ACCSL: variants seen among roughly 807,000 people sequenced by gnomAD.
ACCSL encodes the protein 1-aminocyclopropane-1-carboxylate synthase homolog (inactive) like, also known as probable inactive 1-aminocyclopropane-1-carboxylate synthase-like protein 2.
Under a neutral mutation model 61.7 loss-of-function variants are expected in ACCSL, and 55 were observed. The observed-to-expected ratio is 0.89, with a 90% CI of 0.72 to 1.12. The LOEUF is 1.12. Among genes scored for constraint, ACCSL ranks in the 50% most tolerant of loss-of-function variants. ACCSL has a pLI of 0.00. For synonymous variants in ACCSL, 258 were observed against 264.3 expected (o/e 0.98, Z 0.23); for missense variants, 632 against 698.0 (o/e 0.91, Z 1.07).
chr11:43,928,831 C>T, the ACCSL span, among the ~76,000 whole-genome samples: 1 of 152,234 alleles, frequency 6.6e-6, no homozygotes, highest in Non-Finnish European at 1.5e-5. Context: ...ATGGAAGCTG[C>T]CTTTCCGATA....
At chr11:44,022,763 G>T in the ACCSL span, among the ~76,000 whole-genome samples, 1 of 152,106 alleles carries the variant, frequency 6.6e-6, no homozygotes, top group Admixed American at 6.6e-5. Context: ...GAGGATTTTT[G>T]TGTCTATATT....
At chr11:43,977,758 T>A in the ACCSL span, among the ~76,000 whole-genome samples, 1 of 152,218 alleles carries the variant, frequency 6.6e-6, no homozygotes, top group African/African-American at 2.4e-5. Flanking sequence ...TCCCTCTGAA[T>A]CTAATAGTAG....
chr11:43,960,199 CAT>C, the ACCSL span, among the ~76,000 whole-genome samples: 1 of 152,140 alleles, frequency 6.6e-6, no homozygotes, highest in Non-Finnish European at 1.5e-5. Context: ...TATTGTCTGT[CAT>C]ATGTGTTCTG....
At chr11:43,997,684 A>G in the ACCSL span, among the ~76,000 whole-genome samples, 1 of 152,206 alleles carries the variant, frequency 6.6e-6, no homozygotes, top group South Asian at 2.1e-4. Context: ...CCTTTTGCCA[A>G]TGCATCGTCA....
the ACCSL span, among the ~76,000 whole-genome samples, chr11:44,014,431 T>C: frequency 6.6e-6 from 1 of 151,322 alleles, no homozygotes; most frequent in Non-Finnish European, 1.5e-5. Context: ...AGGGTCATCA[T>C]GACATCGCAG....
At chr11:43,943,880 T>G in the ACCSL span, 1 of 1,231,474 alleles carries the variant, frequency 8.1e-7, no homozygotes. The surrounding 1 kb of genome is among the most constrained non-coding windows in gnomAD (Gnocchi z 4.8). Context: ...ATTTGCACAG[T>G]GCAGTTTTCC....
At chr11:44,030,673 C>G in the ACCSL span, among the ~76,000 whole-genome samples, 1 of 151,888 alleles carries the variant, frequency 6.6e-6, no homozygotes, top group Non-Finnish European at 1.5e-5. Context: ...AAGGCAACAC[C>G]AGATTATGAA....
the ACCSL span, among the ~76,000 whole-genome samples, chr11:43,982,963 G>A: frequency 1.3e-5 from 2 of 152,196 alleles, no homozygotes; most frequent in Non-Finnish European, 2.9e-5. Flanking sequence ...CTGTTGCAAG[G>A]GCAGGCCTCC....
upstream of ACCSL, among the ~76,000 whole-genome samples, chr11:44,046,846 T>G (rs1486403977): frequency 6.6e-6 from 1 of 152,202 alleles, no homozygotes; most frequent in Non-Finnish European, 1.5e-5. Flanking sequence ...TCTGGGATCT[T>G]GCTATCTGAT....
chr11:43,935,649 T>G, the ACCSL span, among the ~76,000 whole-genome samples: 20 of 152,330 alleles, frequency 1.3e-4, no homozygotes, highest in African/African-American at 4.8e-4. Flanking sequence ...GACTTTTATT[T>G]TTATTTTTTA....
At chr11:43,933,515 G>A in the ACCSL span, 4 of 178,542 alleles carry the variant, frequency 2.2e-5, no homozygotes, top group Admixed American at 5.5e-5. Flanking sequence ...TCAGAGGGGT[G>A]AAACTACTTT....
At chr11:43,924,613 CG>C in the ACCSL span, among the ~76,000 whole-genome samples, 1 of 152,256 alleles carries the variant, frequency 6.6e-6, no homozygotes, top group South Asian at 2.1e-4. Context: ...CCCGTTCCTG[CG>C]GCACAAGAGG....
the ACCSL span, among the ~76,000 whole-genome samples, chr11:44,036,334 C>T: frequency 6.6e-6 from 1 of 152,248 alleles, no homozygotes; most frequent in African/African-American, 2.4e-5. Flanking sequence ...GACAGGTCTG[C>T]AGTCAGGCCC....
the ACCSL span, chr11:43,943,620 C>T: frequency 1.2e-5 from 16 of 1,306,622 alleles, no homozygotes; most frequent in South Asian, 2.0e-4. The surrounding 1 kb of genome is among the most constrained non-coding windows in gnomAD (Gnocchi z 4.8). Context: ...TGGTTTGCAA[C>T]TCCGATTTTG....
chr11:43,975,644 A>G, the ACCSL span, among the ~76,000 whole-genome samples: 636 of 152,332 alleles, frequency 4.2e-3, 7 homozygotes, highest in African/African-American at 0.015. Flanking sequence ...TTCACAAGAG[A>G]TCCAGACAGC....
chr11:43,982,225 T>TC, the ACCSL span, among the ~76,000 whole-genome samples: 47 of 99,646 alleles, frequency 4.7e-4, no homozygotes, highest in Non-Finnish European at 8.5e-4. Flanking sequence ...CCCAAGGCCC[T>TC]CTTTTTTTTT....
At chr11:44,050,725 C>A in intron 3 of ACCSL, 103 bp downstream of exon 3, 2 of 1,025,694 alleles carry the variant, frequency 1.9e-6, no homozygotes, top group Non-Finnish European at 2.9e-6. Flanking sequence ...ACCTCCCTAT[C>A]TCTTTGGGTA....
the ACCSL span, among the ~76,000 whole-genome samples, chr11:43,997,994 G>A: frequency 2.6e-5 from 4 of 152,192 alleles, no homozygotes; most frequent in African/African-American, 9.6e-5. Flanking sequence ...AGTGTAGCAT[G>A]GTGGTTTAAA....
At position 44,053,070 on chromosome 11, in the gene ACCSL, T is replaced by TA. The variant is rs757943397; in HGVS notation, c.948+4dup. 2 of 1,613,444 alleles carry TA rather than the reference T, an allele frequency of 1.2e-6. No homozygotes were observed. Among genetic ancestry groups the TA allele is most frequent in the Middle Eastern group, 1.7e-4 (1 of 6,060 alleles). ...GCCCTGCTTGAAGCTAGGCTTGAGG[T>TA]AAGGTGGGAACCATATTTTTAGGAT... On this transcript the variant is annotated splice_region_variant and intron_variant, in intron 7 of 13. Coordinates refer to ENST00000378832, the MANE Select transcript of ACCSL (RefSeq NM_001031854.2).
Sources: allele counts gnomAD v4.1 joint callset (sites outside exome capture counted in the v4.1 genomes callset), GRCh38; gene constraint gnomAD v4.1.1; non-coding constraint Gnocchi (gnomAD v3.1); transcripts MANE v1.5; gene names NCBI Gene and HGNC (gene_info 2026-07-23, HGNC 2026-07-21).